CFTR: variants seen among roughly 807,000 people sequenced by gnomAD.
CFTR encodes cystic fibrosis transmembrane conductance regulator.
CFTR carries 181 observed loss-of-function variants against 171.6 expected under a neutral mutation model. That is an observed-to-expected ratio of 1.05 (90% CI 0.93 to 1.19). CFTR has a LOEUF of 1.19. Among genes scored for constraint, CFTR ranks in the 50% most tolerant of loss-of-function variants. CFTR has a pLI of 0.00. For missense variants in CFTR, 1,968 were observed against 1,734.7 expected (o/e 1.13, Z -2.39); for synonymous variants, 583 against 608.0 (o/e 0.96, Z 0.60).
intron 18 of CFTR, among the ~76,000 whole-genome samples, chr7:117,607,749 C>T (rs1313159676): frequency 3.3e-5 from 5 of 152,146 alleles, no homozygotes; most frequent in Admixed American, 1.3e-4. Context: ...TGCAGAAAAA[C>T]CAGACTGTCA....
At chr7:117,482,103 T>A (rs1283256027) in intron 1 of CFTR, among the ~76,000 whole-genome samples, 1 of 152,234 alleles carries the variant, frequency 6.6e-6, no homozygotes, top group Admixed American at 6.5e-5. Flanking sequence ...TCTTTGAGTA[T>A]AATTTTGTGA....
intron 24 of CFTR, among the ~76,000 whole-genome samples, chr7:117,661,423 C>T (rs1028232720): frequency 6.6e-6 from 1 of 152,202 alleles, no homozygotes; most frequent in Non-Finnish European, 1.5e-5. Context: ...ATACTTTGCT[C>T]AGCTCTTTGC....
At chr7:117,664,205 G>A (rs918477366) in intron 24 of CFTR, among the ~76,000 whole-genome samples, 11 of 152,100 alleles carry the variant, frequency 7.2e-5, no homozygotes, top group African/African-American at 2.7e-4. Flanking sequence ...AGTAGAAGAT[G>A]GGAGGTAGCA....
At chr7:117,613,433 T>G (rs1792435461) in intron 20 of CFTR, among the ~76,000 whole-genome samples, 1 of 152,164 alleles carries the variant, frequency 6.6e-6, no homozygotes, top group South Asian at 2.1e-4. Flanking sequence ...AAACATTAAT[T>G]AACTATCTAA....
chr7:117,617,821 A>G (rs1792517519), intron 21 of CFTR, among the ~76,000 whole-genome samples: 1 of 152,228 alleles, frequency 6.6e-6, no homozygotes, highest in South Asian at 2.1e-4. Flanking sequence ...ATATAGCAAA[A>G]TATTTGAGAA....
At position 117,540,263 on chromosome 7, in the gene CFTR, G is replaced by T. The variant is rs1799030159; in HGVS notation, c.1033G>T (p.Val345Phe). 6.2e-7 allele frequency: 1 copy of T among 1,613,918 alleles called. No individual in the cohort carries two copies. The highest frequency in any genetic ancestry group is 1.7e-5 in the Admixed American group (1 of 59,992). ...KIFTTISFCI[V>F]LRMAVTRQFP... is the part of the protein sequence containing the mutation. ...ATTCACCACCATCTCATTCTGCATTGTTCTGCGCATGGCGGTCACTCGGCA... is the reference window on the plus strand; with the variant it reads ...ATTCACCACCATCTCATTCTGCATTTTTCTGCGCATGGCGGTCACTCGGCA... Residue 345 changes from valine to phenylalanine, a missense_variant, in exon 8 of 27, where the codon GTT becomes TTT. Coordinates refer to ENST00000003084, the MANE Select transcript of CFTR (RefSeq NM_000492.4).
chr7:117,653,031 G>C, intron 24 of CFTR, 100 bp downstream of exon 24: 1 of 809,706 alleles, frequency 1.2e-6, no homozygotes, highest in Non-Finnish European at 2.2e-6. Flanking sequence ...GTGCATGTAT[G>C]TGTGTGCACA....
At chr7:117,617,162 T>C (rs1428919124) in intron 21 of CFTR, among the ~76,000 whole-genome samples, 3 of 152,024 alleles carry the variant, frequency 2.0e-5, no homozygotes, top group Non-Finnish European at 4.4e-5. Flanking sequence ...TTTTAGTCTT[T>C]CAGAAAAAAA....
rs140023156 is a variant in CFTR, at chr7:117,626,618, C to T, written c.3469-904C>T. On this transcript the variant is annotated intron_variant, in intron 21 of 26. Transcript: ENST00000003084. The stretch of plus-strand genomic sequence containing the variant: ...ATAGAAGTTGAGTGAATTCGGTCTT[C>T]AAATTCTTTCTTTTTATTCATTTAT... Among the ~76,000 whole-genome samples the T allele has an allele frequency of 2.4e-3, 358 of 152,124 alleles. 1 individual carries two copies. The highest frequency in any genetic ancestry group is 2.8e-3 in the Non-Finnish European group (190 of 67,936).
At chr7:117,638,263 T>C (rs1316090172) in intron 22 of CFTR, among the ~76,000 whole-genome samples, 1 of 152,216 alleles carries the variant, frequency 6.6e-6, no homozygotes, top group Non-Finnish European at 1.5e-5. Flanking sequence ...GCTCTGCTTT[T>C]TACTTGTTAC....
At chr7:117,523,359 TTTTTG>T (rs975392166) in intron 3 of CFTR, among the ~76,000 whole-genome samples, 1 of 150,462 alleles carries the variant, frequency 6.6e-6, no homozygotes, top group African/African-American at 2.4e-5. Flanking sequence ...TGTCTCTGAA[TTTTTG>T]TTTTGTTTTG....
At chr7:117,611,467 A>G (rs747384415) in intron 19 of CFTR, 114 bp from the exon 20 acceptor site, 20 of 737,162 alleles carry the variant, frequency 2.7e-5, no homozygotes, top group Non-Finnish European at 4.3e-5. Flanking sequence ...CTTTTTAACC[A>G]ATGACATTTG....
intron 21 of CFTR, among the ~76,000 whole-genome samples, chr7:117,619,013 T>C (rs1792534259): frequency 6.6e-6 from 1 of 152,236 alleles, no homozygotes; most frequent in Non-Finnish European, 1.5e-5. Context: ...TGTGGCTATC[T>C]ATCTCTATTC....
intron 10 of CFTR, among the ~76,000 whole-genome samples, chr7:117,550,358 G>A (rs1037613069): frequency 6.6e-6 from 1 of 151,794 alleles, no homozygotes; most frequent in Non-Finnish European, 1.5e-5. Context: ...TGTTTGCAAT[G>A]CTAATAATAC....
At chr7:117,549,597 C>T (rs1005978626) in intron 10 of CFTR, among the ~76,000 whole-genome samples, 1 of 152,110 alleles carries the variant, frequency 6.6e-6, no homozygotes, top group African/African-American at 2.4e-5. Flanking sequence ...TGAGAAAGAG[C>T]TTTCTAGTAT....
chr7:117,589,788 C>T (rs1034813434), intron 12 of CFTR, among the ~76,000 whole-genome samples: 6 of 152,072 alleles, frequency 3.9e-5, no homozygotes, highest in African/African-American at 1.2e-4. Flanking sequence ...TAGTGGTTAA[C>T]ACTTAGAAAA....
At chr7:117,520,225 C>T (rs1262268059) in intron 3 of CFTR, among the ~76,000 whole-genome samples, 1 of 146,010 alleles carries the variant, frequency 6.8e-6, no homozygotes, top group East Asian at 2.0e-4. Flanking sequence ...AGAATATTTT[C>T]CCTAGCCTGT....
intron 1 of CFTR, among the ~76,000 whole-genome samples, chr7:117,496,301 G>A (rs186327948): frequency 6.6e-6 from 1 of 152,122 alleles, no homozygotes; most frequent in African/African-American, 2.4e-5. Context: ...GAAGTCATAG[G>A]CGAAAGCGGT....
intron 1 of CFTR, among the ~76,000 whole-genome samples, chr7:117,485,908 T>C (rs986018717): frequency 6.6e-6 from 1 of 152,186 alleles, no homozygotes; most frequent in African/African-American, 2.4e-5. Context: ...AAAGATTTTT[T>C]TGTGATGTTA....
Sources: allele counts gnomAD v4.1 joint callset (sites outside exome capture counted in the v4.1 genomes callset), GRCh38; gene constraint gnomAD v4.1.1; transcripts MANE v1.5; gene names NCBI Gene and HGNC (gene_info 2026-07-23, HGNC 2026-07-21).